Variants in MRPS6 observed in about 807,000 individuals in gnomAD.
MRPS6 encodes mitochondrial ribosomal protein S6, also known as small ribosomal subunit protein bS6m.
A neutral mutation model predicts 13.1 loss-of-function variants in MRPS6; 6 were observed. The observed-to-expected ratio is 0.46, with a 90% CI of 0.25 to 0.91. The LOEUF is 0.91. Ranked by LOEUF, MRPS6 falls within the 40% of genes least tolerant of loss-of-function variation. MRPS6 has a pLI of 0.18. For synonymous variants in MRPS6, 61 were observed against 56.5 expected (o/e 1.08, Z -0.36); for missense variants, 164 against 155.6 (o/e 1.05, Z -0.29).
At chr21:34,095,991 A>G (rs201049956) in intron 1 of MRPS6, 4 of 1,614,188 alleles carry the variant, frequency 2.5e-6, no homozygotes, top group African/African-American at 2.7e-5. Context: ...GCCTGGATTC[A>G]TTCTTGGGCA....
chr21:34,086,517 T>TGTGTGTG (rs1978388281), intron 1 of MRPS6, among the ~76,000 whole-genome samples: 3 of 148,274 alleles, frequency 2.0e-5, no homozygotes, highest in South Asian at 2.1e-4. Flanking sequence ...TAGTTTGTGT[T>TGTGTGTG]TGTGTGTGTG....
At chr21:34,087,211 A>C (rs1471133589) in intron 1 of MRPS6, among the ~76,000 whole-genome samples, 3 of 152,080 alleles carry the variant, frequency 2.0e-5, no homozygotes, top group Non-Finnish European at 2.9e-5. Flanking sequence ...CATACCCTCA[A>C]CTGGAGCTAT....
intron 1 of MRPS6, among the ~76,000 whole-genome samples, chr21:34,083,134 CTTTAAT>C (rs1202534153): frequency 1.3e-5 from 2 of 152,110 alleles, no homozygotes. Context: ...TGGTTAAGTG[CTTTAAT>C]TTTGTCAGGT....
chr21:34,123,323 G>A (rs1980188085), intron 1 of MRPS6: 1 of 152,114 alleles, frequency 6.6e-6, no homozygotes, highest in South Asian at 2.1e-4. Context: ...CTGGAAGGTA[G>A]CCTATTCTTA....
chr21:34,096,935 T>C lies in MRPS6; in HGVS notation c.45+23190T>C. 1 of 1,614,100 alleles carries C rather than the reference T, an allele frequency of 6.2e-7. No individual in the cohort carries two copies. The highest frequency in any genetic ancestry group is 8.5e-7 in the Non-Finnish European group (1 of 1,179,986). ...GCATTCTGAGATGCAGTGAGAATAATGAGACCATCAACCACATCATTCCCA... is the reference window on the plus strand; with the variant it reads ...GCATTCTGAGATGCAGTGAGAATAACGAGACCATCAACCACATCATTCCCA... On this transcript the variant is annotated intron_variant, in intron 1 of 2. Transcript: ENST00000399312. The surrounding 1 kb of genome is among the most constrained non-coding windows in gnomAD (Gnocchi z 5.9).
At chr21:34,133,694 G>A (rs992691398) in intron 2 of MRPS6, among the ~76,000 whole-genome samples, 2 of 152,158 alleles carry the variant, frequency 1.3e-5, no homozygotes, top group Admixed American at 6.5e-5. Context: ...TCTTGCTAGA[G>A]CCTCCCTCCT....
At chr21:34,083,303 C>T (rs982469414) in intron 1 of MRPS6, among the ~76,000 whole-genome samples, 7 of 152,180 alleles carry the variant, frequency 4.6e-5, no homozygotes, top group Non-Finnish European at 1.0e-4. Flanking sequence ...TCTTTGCTTC[C>T]GTTAGAAAGG....
At chr21:34,114,611 A>T (rs537083319) in intron 1 of MRPS6, among the ~76,000 whole-genome samples, 1 of 152,292 alleles carries the variant, frequency 6.6e-6, no homozygotes, top group South Asian at 2.1e-4. Flanking sequence ...GCTGAGAAAT[A>T]CCTTGGTGAT....
Position 34,096,096 on chromosome 21 carries a change from C to G in MRPS6, c.45+22351C>G, listed in dbSNP as rs1978953036. The G allele has an allele frequency of 6.2e-7, 1 of 1,614,036 alleles. No homozygotes were observed. Among genetic ancestry groups the G allele is most frequent in the African/African-American group, 1.3e-5 (1 of 74,924 alleles). On this transcript the variant is annotated intron_variant, in intron 1 of 2. Transcript: ENST00000399312. The surrounding 1 kb of genome is among the most constrained non-coding windows in gnomAD (Gnocchi z 5.9). ...CATTGCTCATGCCAAAGGCTCTACT[C>G]TTATGGCTGGCTTCTTAAAGCTCCT...
chr21:34,074,061 C>T (rs1989259154), intron 1 of MRPS6, among the ~76,000 whole-genome samples: 1 of 145,128 alleles, frequency 6.9e-6, no homozygotes, highest in Admixed American at 6.8e-5. Flanking sequence ...CGGCGCCGGC[C>T]CGCGGGAGTC....
chr21:34,082,425 A>G (rs960277005), intron 1 of MRPS6, among the ~76,000 whole-genome samples: 1 of 152,176 alleles, frequency 6.6e-6, no homozygotes, highest in African/African-American at 2.4e-5. Context: ...TCTGAGTGAT[A>G]TCTTGTTTTA....
chr21:34,101,887 T>C (rs1442420474), intron 1 of MRPS6: 3 of 1,000,058 alleles, frequency 3.0e-6, no homozygotes, highest in East Asian at 2.3e-4. Flanking sequence ...GAGAGAGCAG[T>C]AGTGATCATT....
chr21:34,102,266 A>C (rs745697248), intron 1 of MRPS6: 375 of 999,726 alleles, frequency 3.8e-4, no homozygotes, highest in Non-Finnish European at 4.4e-4. Context: ...TTATTCACTT[A>C]GTAGTCATAT....
chr21:34,113,603 T>C (rs1044628910), intron 1 of MRPS6, among the ~76,000 whole-genome samples: 7 of 152,210 alleles, frequency 4.6e-5, no homozygotes, highest in African/African-American at 1.7e-4. Flanking sequence ...GTCCATCAGG[T>C]GCCTTCCTCC....
chr21:34,124,575 A>G (rs1160687221), intron 1 of MRPS6: 2 of 148,564 alleles, frequency 1.3e-5, no homozygotes, highest in African/African-American at 5.0e-5. Context: ...CTATCTCCTC[A>G]GCACTCCCTT....
intron 1 of MRPS6, among the ~76,000 whole-genome samples, chr21:34,115,946 G>T (rs1602951661): frequency 6.6e-6 from 1 of 150,658 alleles, no homozygotes; most frequent in Non-Finnish European, 1.5e-5. Flanking sequence ...AAGATACATG[G>T]ATGTACTCTC....
intron 2 of MRPS6, among the ~76,000 whole-genome samples, chr21:34,139,081 C>A (rs924837040): frequency 1.3e-5 from 2 of 150,060 alleles, no homozygotes; most frequent in African/African-American, 2.5e-5. Flanking sequence ...TAAACTGTTG[C>A]AAGGACAAAA....
At chr21:34,097,190 TA>T in intron 1 of MRPS6, 1 of 1,614,070 alleles carries the variant, frequency 6.2e-7, no homozygotes, top group Non-Finnish European at 8.5e-7. Flanking sequence ...TTTGTGGCTT[TA>T]AAAGTAAGAG....
At position 34,099,294 on chromosome 21, in the gene MRPS6, T is replaced by C. The variant is rs1979122535; in HGVS notation, c.45+25549T>C. 7.0e-6 allele frequency: 7 copies of C among 1,000,212 alleles called. No individual in the cohort carries two copies. In the South Asian group the frequency reaches 3.3e-4, roughly 47 times the overall value. The allele number at this position is 1,000,212 out of a possible 1,614,324, so 62.0% of individuals were successfully genotyped here. ...AGTTGAGGCTGCGACATGTCCAAGG[T>C]TATGAAGTCTCTTTTGGGAAGAACA... On this transcript the variant is annotated intron_variant, in intron 1 of 2. Coordinates refer to ENST00000399312, the MANE Select transcript of MRPS6 (RefSeq NM_032476.4).
Sources: allele counts gnomAD v4.1 joint callset (sites outside exome capture counted in the v4.1 genomes callset), GRCh38; gene constraint gnomAD v4.1.1; non-coding constraint Gnocchi (gnomAD v3.1); transcripts MANE v1.5; gene names NCBI Gene and HGNC (gene_info 2026-07-23, HGNC 2026-07-21).